Variants in NEO1 observed in about 807,000 individuals in gnomAD.
The protein encoded by NEO1 is neogenin 1, also known as neogenin.
Under a neutral mutation model 159.7 loss-of-function variants are expected in NEO1, and 63 were observed. The observed-to-expected ratio is 0.39, with a 90% confidence interval of 0.32 to 0.49. The LOEUF is 0.49. NEO1 is among the 20% of genes least tolerant of loss of function. The pLI is 0.85. For missense variants in NEO1, 1,615 were observed against 1,831.0 expected, an observed-to-expected ratio of 0.88 and a Z score of 2.15; for synonymous variants, 633 against 662.0, an observed-to-expected ratio of 0.96 and a Z score of 0.67.
chr15:73,053,366 C>T (rs2067555460), intron 1 of NEO1, among the ~76,000 whole-genome samples: 1 of 152,056 alleles, frequency 6.6e-6, no homozygotes, highest in African/African-American at 2.4e-5. Context: ...GGCACAATTG[C>T]CCGCTCACAA....
chr15:73,143,213 A>G (rs900962093), intron 5 of NEO1: 1 of 164,734 alleles, frequency 6.1e-6, no homozygotes, highest in Non-Finnish European at 1.4e-5. Context: ...CAGGAAGCCA[A>G]GGGAGGAGGC....
At chr15:73,069,144 G>A (rs987891154) in intron 1 of NEO1, among the ~76,000 whole-genome samples, 3 of 48,702 alleles carry the variant, frequency 6.2e-5, no homozygotes, top group Admixed American at 2.5e-4. Context: ...TTTTTTTTTT[G>A]TAGAGACAGG....
At chr15:73,097,217 T>C (rs115815181) in intron 1 of NEO1, among the ~76,000 whole-genome samples, 2,215 of 152,276 alleles carry the variant, frequency 0.015, 71 homozygotes, top group African/African-American at 0.051. Flanking sequence ...AACTGGTTGG[T>C]ATCATTGCTT....
chr15:73,116,165 A>G (rs2071300433), intron 1 of NEO1, among the ~76,000 whole-genome samples: 2 of 152,192 alleles, frequency 1.3e-5, no homozygotes, highest in Non-Finnish European at 2.9e-5. Context: ...ACCTCTTAAG[A>G]ATCATTTTAA....
chr15:73,249,593 T>C lies in NEO1; in HGVS notation c.1766T>C (p.Val589Ala), dbSNP rs1567599442. 1 of 1,601,294 alleles carries C rather than the reference T, an allele frequency of 6.2e-7. No homozygotes were observed. Among genetic ancestry groups the C allele is most frequent in the African/African-American group, 1.3e-5 (1 of 74,112 alleles). The stretch of plus-strand genomic sequence containing the variant: ...TTTATTTTATTCAAGGATGTTGATG[T>C]TTCAAGTCACTCTTACACCATTAAT... ...KGTDKEQDVD[V>A]SSHSYTINGL... Residue 589 changes from valine to alanine, a missense_variant, in exon 11 of 29, where the codon GTT (valine) becomes GCT (alanine). Val to Ala is a moderately conservative substitution (Grantham distance 64). This residue lies in a region of NEO1 where 1,018 missense variants were observed against 1,115.4 expected (regional missense o/e 0.91). Coordinates refer to ENST00000261908, the MANE Select transcript of NEO1 (RefSeq NM_002499.4).
At position 73,185,575 on chromosome 15, in the gene NEO1, T is replaced by A. The variant is rs1166362600; in HGVS notation, c.1291+7148T>A. Among the ~76,000 whole-genome samples, 3 of 152,182 alleles carry A rather than the reference T, an allele frequency of 2.0e-5. No individual in the cohort carries two copies. In the East Asian group the frequency reaches 5.8e-4, roughly 29 times the overall value. ...GCCATTTTCGAAGATAGTTTGGCAG[T>A]TTCTTACAAAATTAAACATTTTTAT... On this transcript the variant is annotated intron_variant, in intron 7 of 28. Transcript: ENST00000261908.
intron 28 of NEO1, among the ~76,000 whole-genome samples, chr15:73,301,914 C>T (rs998914228): frequency 3.9e-5 from 6 of 152,234 alleles, no homozygotes; most frequent in Admixed American, 3.9e-4. Context: ...GGTGATCCAC[C>T]TGCCTCAGCC....
At chr15:73,179,118 A>G (rs867568589) in intron 7 of NEO1, among the ~76,000 whole-genome samples, 1 of 152,250 alleles carries the variant, frequency 6.6e-6, no homozygotes, top group African/African-American at 2.4e-5. Flanking sequence ...TCCATCCTGT[A>G]TCTCAAATTA....
At chr15:73,243,608 C>G (rs1005222267) in intron 8 of NEO1, among the ~76,000 whole-genome samples, 1 of 152,042 alleles carries the variant, frequency 6.6e-6, no homozygotes, top group Non-Finnish European at 1.5e-5. Context: ...CACACAGACC[C>G]CAAGACAGAA....
At chr15:73,156,040 T>C (rs2033746673) in intron 5 of NEO1, among the ~76,000 whole-genome samples, 1 of 152,228 alleles carries the variant, frequency 6.6e-6, no homozygotes, top group Non-Finnish European at 1.5e-5. Context: ...ACTTCCTATA[T>C]CTTTACATTG....
chr15:73,098,182 C>A (rs184528763), intron 1 of NEO1, among the ~76,000 whole-genome samples: 2 of 152,080 alleles, frequency 1.3e-5, no homozygotes, highest in East Asian at 3.9e-4. Flanking sequence ...TTCTTTTGGT[C>A]CTTAGAGTAT....
At chr15:73,259,003 C>T in intron 14 of NEO1, 127 bp downstream of exon 14, 1 of 714,446 alleles carries the variant, frequency 1.4e-6, no homozygotes, top group Non-Finnish European at 2.4e-6. Flanking sequence ...CATCACGCTG[C>T]TGTTGTTCCT....
chr15:73,136,292 G>A (rs1596107757), intron 5 of NEO1, among the ~76,000 whole-genome samples: 3 of 152,052 alleles, frequency 2.0e-5, no homozygotes, highest in Non-Finnish European at 4.4e-5. Context: ...ATGATTTGAG[G>A]GTTAAAAGAG....
chr15:73,257,768 C>T lies in NEO1; in HGVS notation c.2093-998C>T, dbSNP rs1356125138. On this transcript the variant is annotated intron_variant, in intron 13 of 28. Coordinates refer to ENST00000261908, the MANE Select transcript of NEO1 (RefSeq NM_002499.4). ...TTGCTCTCTCTTACATCCCAGTGGTCCCCAAAGGACAGGGAATGATTGGTT... is the reference window on the plus strand; with the variant it reads ...TTGCTCTCTCTTACATCCCAGTGGTTCCCAAAGGACAGGGAATGATTGGTT... Among the ~76,000 whole-genome samples, 3 of 152,300 alleles carry T rather than the reference C, an allele frequency of 2.0e-5. No homozygotes were observed. In the East Asian group the frequency reaches 5.8e-4, roughly 29 times the overall value.
intron 7 of NEO1, among the ~76,000 whole-genome samples, chr15:73,186,105 A>G (rs2035906377): frequency 6.6e-6 from 1 of 152,090 alleles, no homozygotes; most frequent in Admixed American, 6.5e-5. Flanking sequence ...TTGGAAATTT[A>G]AAAAGAAGAA....
At chr15:73,232,480 G>C (rs917407292) in intron 7 of NEO1, among the ~76,000 whole-genome samples, 4 of 152,224 alleles carry the variant, frequency 2.6e-5, no homozygotes, top group Admixed American at 2.6e-4. Context: ...TCAAAATCTG[G>C]ATTATTTTTT....
chr15:73,063,267 A>G (rs530604788), intron 1 of NEO1, among the ~76,000 whole-genome samples: 15 of 152,258 alleles, frequency 9.9e-5, no homozygotes, highest in African/African-American at 3.4e-4. Context: ...ATTTTGAACA[A>G]TTCTTTAAGT....
At chr15:73,138,755 CAA>C (rs11368240) in intron 5 of NEO1, among the ~76,000 whole-genome samples, 23 of 109,238 alleles carry the variant, frequency 2.1e-4, no homozygotes, top group African/African-American at 4.3e-4. Context: ...GACTCCGTCT[CAA>C]AAAAAAAAAA....
intron 23 of NEO1, among the ~76,000 whole-genome samples, chr15:73,283,980 G>A (rs551653636): frequency 1.4e-3 from 211 of 152,294 alleles, no homozygotes; most frequent in Non-Finnish European, 2.6e-3. Flanking sequence ...TTCTCAGAGC[G>A]GCTGAATGGC....
Sources: allele counts gnomAD v4.1 joint callset (sites outside exome capture counted in the v4.1 genomes callset), GRCh38; gene constraint gnomAD v4.1.1; regional missense constraint gnomAD v4.1.1; transcripts MANE v1.5; gene names NCBI Gene and HGNC (gene_info 2026-07-23, HGNC 2026-07-21).